PRKG2: variants seen among roughly 807,000 people sequenced by gnomAD.
The protein encoded by PRKG2 is protein kinase cGMP-dependent 2.
In PRKG2, 33 loss-of-function variants were observed where a neutral mutation model predicts 97.2. The ratio of observed to expected loss-of-function variants is 0.34; its 90% CI spans 0.26 to 0.45. The LOEUF (loss-of-function observed/expected upper bound fraction) is 0.45, where lower values mean the gene tolerates loss of function less well. Among genes scored for constraint, PRKG2 ranks in the 20% least tolerant of loss-of-function variants. The probability of loss-of-function intolerance (pLI) is 1.00; values close to 1 mark genes in which losing one functional copy is unlikely to be tolerated. For synonymous variants in PRKG2, 330 were observed against 321.8 expected (o/e 1.03, Z -0.27); for missense variants, 638 against 900.0 (o/e 0.71, Z 3.73).
At chr4:81,175,157 T>C (rs1488831486) in intron 2 of PRKG2, among the ~76,000 whole-genome samples, 198 bp from the exon 3 acceptor site, 1 of 152,104 alleles carries the variant, frequency 6.6e-6, no homozygotes. Flanking sequence ...GAAAATGTTT[T>C]TGAATATTAT....
In PRKG2 at chr4:81,214,983, G is replaced by T. The variant is rs1011306832; in HGVS notation, c.-61C>A. Reference sequence around the variant, plus strand: ...GGTGCGCAGCTTGTCACCTCGGCGCGGCCGCCCCTGCGTCTCAGCGTCCTC... The same window carrying T: ...GGTGCGCAGCTTGTCACCTCGGCGCTGCCGCCCCTGCGTCTCAGCGTCCTC... On this transcript the variant is annotated 5_prime_UTR_variant, in exon 1 of 19. Transcript: ENST00000264399. The T allele has an allele frequency of 6.6e-6, 1 of 152,476 alleles. No homozygotes were observed. The highest frequency in any genetic ancestry group is 2.4e-5 in the African/African-American group (1 of 41,474). 9.4% of individuals were successfully genotyped at this position (152,476 alleles called of 1,614,324 possible).
At chr4:81,092,354 A>G (rs1253193078) in intron 18 of PRKG2, 32 bp downstream of exon 18, 3 of 1,432,176 alleles carry the variant, frequency 2.1e-6, no homozygotes, top group South Asian at 1.3e-5. Flanking sequence ...CCCTGGGAAA[A>G]AAATAAAAAA....
At chr4:81,155,481 C>T (rs377698244) in intron 6 of PRKG2, among the ~76,000 whole-genome samples, 53 of 152,072 alleles carry the variant, frequency 3.5e-4, no homozygotes, top group South Asian at 1.7e-3. Context: ...ATGGGGAGAA[C>T]GGAACCAAGT....
At chr4:81,179,239 C>A (rs1038083181) in intron 2 of PRKG2, among the ~76,000 whole-genome samples, 2 of 151,544 alleles carry the variant, frequency 1.3e-5, no homozygotes, top group African/African-American at 4.8e-5. Flanking sequence ...ACAAAGAAAA[C>A]CATATCTAGG....
At chr4:81,187,271 T>C (rs1030795916) in intron 2 of PRKG2, among the ~76,000 whole-genome samples, 4 of 152,178 alleles carry the variant, frequency 2.6e-5, no homozygotes, top group Non-Finnish European at 5.9e-5. Flanking sequence ...AAAAAGCTTA[T>C]CCACTAGGAT....
intron 9 of PRKG2, 73 bp downstream of exon 9, chr4:81,148,811 G>A (rs1363447246): frequency 2.0e-5 from 25 of 1,254,496 alleles, no homozygotes; most frequent in East Asian, 2.3e-5. Context: ...AAAACAGATC[G>A]GCCTTGAAGT....
intron 9 of PRKG2, among the ~76,000 whole-genome samples, chr4:81,144,871 C>T (rs1578415881): frequency 6.7e-6 from 1 of 149,184 alleles, no homozygotes; most frequent in Middle Eastern, 3.5e-3. Flanking sequence ...GGTTTTTTGT[C>T]CTTGCGATAG....
At chr4:81,196,431 T>C (rs1752963468) in intron 2 of PRKG2, among the ~76,000 whole-genome samples, 1 of 152,222 alleles carries the variant, frequency 6.6e-6, no homozygotes, top group Admixed American at 6.5e-5. Flanking sequence ...AAAACCAATA[T>C]GCTTGCATTT....
At chr4:81,112,426 A>G (rs369762163) in intron 14 of PRKG2, among the ~76,000 whole-genome samples, 13 of 148,096 alleles carry the variant, frequency 8.8e-5, no homozygotes, top group African/African-American at 2.9e-4. Context: ...ATTTGTATGC[A>G]CACAAATATG....
intron 17 of PRKG2, among the ~76,000 whole-genome samples, chr4:81,100,480 A>C (rs1465670871): frequency 1.3e-5 from 2 of 152,236 alleles, no homozygotes; most frequent in African/African-American, 2.4e-5. Flanking sequence ...TCTCTATTTA[A>C]TAAATGGTGC....
At chr4:81,095,886 C>T (rs1378746571) in intron 17 of PRKG2, among the ~76,000 whole-genome samples, 3 of 152,126 alleles carry the variant, frequency 2.0e-5, no homozygotes, top group Non-Finnish European at 4.4e-5. Flanking sequence ...TTTTGGAGTT[C>T]CCAGTGCATA....
At chr4:81,155,561 T>G (rs1748997121) in intron 6 of PRKG2, among the ~76,000 whole-genome samples, 1 of 151,490 alleles carries the variant, frequency 6.6e-6, no homozygotes, top group African/African-American at 2.4e-5. Flanking sequence ...AACATTCAGA[T>G]TCAGGAAATA....
chr4:81,173,619 C>T (rs1750674003), intron 3 of PRKG2: 2 of 152,110 alleles, frequency 1.3e-5, no homozygotes, highest in African/African-American at 4.8e-5. Flanking sequence ...TTGGGAATGA[C>T]TGTATAATTT....
chr4:81,204,676 G>A lies in PRKG2; in HGVS notation c.372C>T (p.Gly124=), dbSNP rs141606971. Residue 124 remains glycine (G), a synonymous_variant, in exon 2 of 19, where the codon GGC becomes GGT. Transcript: ENST00000264399. ...SLHSRRGAKA[G]VSAEPTTRTY... ...TCCGGGTTGTTGGCTCAGCAGACAC[G>A]CCAGCCTTTGCTCCCCTCCTGCTAT... 70 of 1,614,164 alleles carry A rather than the reference G, an allele frequency of 4.3e-5. No homozygotes were observed. The East Asian group carries it at 5.8e-4, about 13-fold the overall frequency.
At chr4:81,090,155 C>T (rs532620197) in intron 18 of PRKG2, among the ~76,000 whole-genome samples, 86 of 152,234 alleles carry the variant, frequency 5.6e-4, no homozygotes, top group South Asian at 3.7e-3. Flanking sequence ...GTCAGGAGTT[C>T]GAGACCAGCC....
chr4:81,207,912 A>G (rs1165972195), intron 1 of PRKG2, among the ~76,000 whole-genome samples: 1 of 152,196 alleles, frequency 6.6e-6, no homozygotes, highest in East Asian at 1.9e-4. Context: ...TGTTTCCTGT[A>G]TCAGTCACTA....
intron 14 of PRKG2, among the ~76,000 whole-genome samples, chr4:81,113,749 T>C (rs1036732113): frequency 6.6e-5 from 10 of 152,242 alleles, no homozygotes; most frequent in African/African-American, 2.4e-4. Context: ...TGACATGCCA[T>C]TCCAAAAAAA....
Position 81,204,654 on chromosome 4 carries a change from G to A in PRKG2, c.394C>T (p.Arg132Trp), listed in dbSNP as rs774548154. ...KAGVSAEPTT[R>W]TYDLNKPPEF... ...GGGGGTTTGTTCAGGTCATAGGTCC[G>A]GGTTGTTGGCTCAGCAGACACGCCA... Residue 132 changes from arginine to tryptophan, a missense_variant, in exon 2 of 19, where the codon CGG becomes TGG. This residue lies in a region of PRKG2 where 332 missense variants were observed against 421.7 expected (regional missense o/e 0.79). Coordinates refer to ENST00000264399, the MANE Select transcript of PRKG2 (RefSeq NM_006259.3). The A allele has an allele frequency of 8.8e-5, 142 of 1,614,018 alleles. No homozygotes were observed. The highest frequency in any genetic ancestry group is 1.5e-4 in the South Asian group (14 of 91,078).
At chr4:81,131,131 T>A (rs1258243437) in intron 14 of PRKG2, among the ~76,000 whole-genome samples, 1 of 152,162 alleles carries the variant, frequency 6.6e-6, no homozygotes, top group Non-Finnish European at 1.5e-5. Context: ...CCCGAGGGAA[T>A]CTCCTGGTCT....
Sources: gnomAD v4.1 joint callset for allele counts (sites outside exome capture counted in the v4.1 genomes callset) on GRCh38, gnomAD v4.1.1 for gene constraint, gnomAD v4.1.1 regional missense constraint, MANE v1.5 for transcripts, NCBI Gene and HGNC (gene_info 2026-07-23, HGNC 2026-07-21) for gene names.